Variants in RALYL observed in about 807,000 individuals in gnomAD.
The protein encoded by RALYL is RALY RNA binding protein like, also known as RNA-binding Raly-like protein.
In RALYL, 29 loss-of-function variants were observed where a neutral mutation model predicts 35.1. The observed-to-expected ratio is 0.83, with a 90% CI of 0.61 to 1.13. The LOEUF is 1.13. Ranked by LOEUF, RALYL falls within the 50% of genes most tolerant of loss-of-function variation. The pLI is 0.00. For synonymous variants in RALYL, 120 were observed against 127.6 expected (o/e 0.94, Z 0.40); for missense variants, 359 against 360.4 (o/e 1.00, Z 0.03).
rs559648546 is a variant in RALYL at position 84,453,088 on chromosome 8, T to C, written c.-23-76211T>C. On this transcript the variant is annotated intron_variant, in intron 1 of 8. Transcript: ENST00000521268. ...GGAGTGCTAAGAATTCTCTTCATAA[T>C]TTCTTGATATGTGATATTATGTTAT... Among the ~76,000 whole-genome samples the C allele has an allele frequency of 5.3e-5, 8 of 152,108 alleles. No individual in the cohort carries two copies. The South Asian group carries it at 1.7e-3, about 31-fold the overall frequency.
intron 5 of RALYL, among the ~76,000 whole-genome samples, chr8:84,859,679 A>G (rs150728477): frequency 6.6e-6 from 1 of 152,026 alleles, no homozygotes; most frequent in African/African-American, 2.4e-5. Flanking sequence ...GCAAAATGCT[A>G]TCTCTACAAA....
chr8:84,654,310 T>TAC (rs1479225554), intron 2 of RALYL, among the ~76,000 whole-genome samples: 32 of 134,726 alleles, frequency 2.4e-4, no homozygotes, highest in African/African-American at 6.3e-4. Context: ...TATATATATA[T>TAC]ATATCATGTA....
intron 2 of RALYL, among the ~76,000 whole-genome samples, chr8:84,713,851 G>A (rs1842564191): frequency 6.6e-6 from 1 of 150,856 alleles, no homozygotes; most frequent in South Asian, 2.1e-4. Flanking sequence ...TCCACAGATA[G>A]GATAAAATAT....
Position 84,754,272 on chromosome 8 carries a change from G to A in RALYL, c.257-20307G>A, listed in dbSNP as rs902145777. Among the ~76,000 whole-genome samples the A allele has an allele frequency of 2.6e-5, 4 of 151,908 alleles. No homozygotes were observed. In the East Asian group the frequency reaches 5.8e-4, roughly 22 times the overall value. ...ATAATAATAAAAAAAAAAAATGTGA[G>A]AATAGACTAATATACCAGGTTGAAC... On this transcript the variant is annotated intron_variant, in intron 2 of 8. Transcript: ENST00000521268.
At chr8:84,864,597 G>A in intron 6 of RALYL, 1 of 246,598 alleles carries the variant, frequency 4.1e-6, no homozygotes. Flanking sequence ...TTATCCTAAG[G>A]ATTAAATCTA....
At chr8:84,340,831 C>T (rs958945619) in intron 1 of RALYL, among the ~76,000 whole-genome samples, 1 of 152,036 alleles carries the variant, frequency 6.6e-6, no homozygotes, top group Admixed American at 6.6e-5. Flanking sequence ...AGATATATAT[C>T]CAGAAGTAGA....
rs540633974 is a variant in RALYL, at chr8:84,573,870, A to G, written c.256+44293A>G. 1.3e-4 allele frequency among the ~76,000 whole-genome samples: 19 copies of G among 151,912 alleles called. No homozygotes were observed. The South Asian group carries it at 2.9e-3, about 23-fold the overall frequency. On this transcript the variant is annotated intron_variant, in intron 2 of 8. Transcript: ENST00000521268. ...ACACAAGTTCAATTTTTTCTTTTAT[A>G]TACTTTTCATTTCTCTCTTCGTTAT...
At chr8:84,854,674 C>T (rs1836610304) in intron 5 of RALYL, among the ~76,000 whole-genome samples, 2 of 152,286 alleles carry the variant, frequency 1.3e-5, no homozygotes, top group Admixed American at 6.5e-5. Context: ...CATATAGAAA[C>T]TCGTTAAGTC....
At chr8:84,364,441 G>A (rs1217186786) in intron 1 of RALYL, among the ~76,000 whole-genome samples, 1 of 152,038 alleles carries the variant, frequency 6.6e-6, no homozygotes, top group Non-Finnish European at 1.5e-5. Flanking sequence ...TACTAAAAAT[G>A]TTCTTTATTG....
intron 2 of RALYL, among the ~76,000 whole-genome samples, chr8:84,533,703 T>G (rs2059415451): frequency 6.6e-6 from 1 of 152,142 alleles, no homozygotes; most frequent in South Asian, 2.1e-4. Context: ...GAGAATTAAA[T>G]TAATTGTATC....
intron 2 of RALYL, among the ~76,000 whole-genome samples, chr8:84,728,104 T>C (rs1275070472): frequency 1.3e-5 from 2 of 151,386 alleles, no homozygotes; most frequent in East Asian, 1.9e-4. Flanking sequence ...TGTAAAAGTG[T>C]TCCTATTTCT....
intron 2 of RALYL, among the ~76,000 whole-genome samples, chr8:84,762,398 C>T (rs1350664285): frequency 6.6e-6 from 1 of 152,150 alleles, no homozygotes; most frequent in Non-Finnish European, 1.5e-5. Flanking sequence ...TATTCTCAGT[C>T]AAAAGAGCTC....
chr8:84,342,295 T>TATATATATATAA lies in RALYL; in HGVS notation c.-24+157872_-24+157873insTATATATATAAA, dbSNP rs1053647755. ...ATCGTTCAATATATATATATATATA[T>TATATATATATAA]AAAACTCAAAAAGTGTGGTCCTCCC... On this transcript the variant is annotated intron_variant, in intron 1 of 8. Transcript: ENST00000521268. 9.2e-5 allele frequency among the ~76,000 whole-genome samples: 11 copies of TATATATATATAA among 119,736 alleles called. 1 individual carries two copies. Among genetic ancestry groups the TATATATATATAA allele is most frequent in the African/African-American group, 4.1e-4 (11 of 26,686 alleles). The allele number at this position is 119,736 out of a possible 152,430, so 78.6% of individuals were successfully genotyped here.
intron 2 of RALYL, among the ~76,000 whole-genome samples, chr8:84,546,284 G>A (rs776027469): frequency 6.6e-6 from 1 of 151,846 alleles, no homozygotes; most frequent in East Asian, 1.9e-4. Context: ...CATGCCCAGC[G>A]AATTTTTGTA....
chr8:84,601,451 C>G (rs1426982657), intron 2 of RALYL, among the ~76,000 whole-genome samples: 1 of 152,094 alleles, frequency 6.6e-6, no homozygotes, highest in Non-Finnish European at 1.5e-5. Flanking sequence ...CATCCACTTT[C>G]TCGGCCTTCC....
intron 1 of RALYL, among the ~76,000 whole-genome samples, chr8:84,282,778 G>A (rs992071516): frequency 5.4e-4 from 70 of 128,694 alleles, no homozygotes; most frequent in African/African-American, 1.6e-3. Flanking sequence ...GTGTGTGTGT[G>A]TATACATATA....
intron 1 of RALYL, among the ~76,000 whole-genome samples, chr8:84,454,541 G>T (rs1044429585): frequency 6.6e-6 from 1 of 152,050 alleles, no homozygotes; most frequent in Non-Finnish European, 1.5e-5. Context: ...TGTTCGAGGT[G>T]GGGTCCTTGT....
chr8:84,292,650 C>T (rs111591486), intron 1 of RALYL, among the ~76,000 whole-genome samples: 3,998 of 152,140 alleles, frequency 0.026, 100 homozygotes, highest in Non-Finnish European at 0.03. Flanking sequence ...CGAGAGTGAC[C>T]GCTGGTCATC....
At chr8:84,540,976 T>A (rs1006160332) in intron 2 of RALYL, among the ~76,000 whole-genome samples, 1 of 152,028 alleles carries the variant, frequency 6.6e-6, no homozygotes, top group Admixed American at 6.6e-5. Context: ...TGTCTTTTTG[T>A]TTTTTTAATC....
Sources: allele counts gnomAD v4.1 joint callset (sites outside exome capture counted in the v4.1 genomes callset), GRCh38; gene constraint gnomAD v4.1.1; transcripts MANE v1.5; gene names NCBI Gene and HGNC (gene_info 2026-07-23, HGNC 2026-07-21).